Variants in ZNF185 observed in about 807,000 individuals in gnomAD.
ZNF185 encodes the protein zinc finger protein 185.
Under a neutral mutation model 58.6 loss-of-function variants are expected in ZNF185, and 56 were observed. The ratio of observed to expected loss-of-function variants is 0.95; its 90% CI spans 0.77 to 1.19. ZNF185 has a LOEUF of 1.19. ZNF185 is among the 50% of genes most tolerant of loss of function. The pLI is 0.00. For missense variants in ZNF185, 627 were observed against 573.5 expected (o/e 1.09, Z -0.95); for synonymous variants, 230 against 215.9 (o/e 1.07, Z -0.57).
At chrX:152,911,709 C>CCCATCCCAT (rs1937311914), upstream of ZNF185, among the ~76,000 whole-genome samples, 1 of 10,928 alleles carries the variant, frequency 9.2e-5, no homozygotes, top group Non-Finnish European at 2.0e-4. Flanking sequence ...TCCCATCCAT[C>CCCATCCCAT]CCATCCCATC....
At chrX:152,905,719 G>A in the ZNF185 span, among the ~76,000 whole-genome samples, 1 of 105,404 alleles carries the variant, frequency 9.5e-6, no homozygotes, top group Non-Finnish European at 1.9e-5. Context: ...GGCTTGGGGG[G>A]GGGGCGGGGT....
chrX:152,929,461 G>C (rs1275388808), intron 12 of ZNF185, among the ~76,000 whole-genome samples: 1 of 111,216 alleles, frequency 9.0e-6, no homozygotes, highest in African/African-American at 3.3e-5. Context: ...ACTTCGAGCA[G>C]AGGCCTCTCA....
chrX:152,950,869 A>G (rs1271547860), intron 16 of ZNF185, among the ~76,000 whole-genome samples: 1 of 112,135 alleles, frequency 8.9e-6, no homozygotes, highest in Non-Finnish European at 1.9e-5. Flanking sequence ...AAAATTTTCA[A>G]GTAAACATAT....
At position 152,958,838 on chromosome X, in the gene ZNF185, G is replaced by A. The variant is rs1379666086; in HGVS notation, c.1410-861G>A. The stretch of plus-strand genomic sequence containing the variant: ...AGAAGGTTCCACATGTGAAAACTAC[G>A]CGGTCACAACGATAAGTGGGCGGGT... On this transcript the variant is annotated intron_variant, in intron 16 of 22. Transcript: ENST00000449285. Among the ~76,000 whole-genome samples, 25 of 112,109 alleles carry A rather than the reference G, an allele frequency of 2.2e-4. No individual in the cohort carries two copies. The Admixed American group carries it at 2.3e-3, about 10-fold the overall frequency.
At chrX:152,934,233 G>A (rs1022199173) in intron 14 of ZNF185, among the ~76,000 whole-genome samples, 6 of 112,344 alleles carry the variant, frequency 5.3e-5, no homozygotes, top group East Asian at 2.8e-4. Flanking sequence ...CAGAATCTTT[G>A]GCCTTCTATC....
intron 11 of ZNF185, among the ~76,000 whole-genome samples, chrX:152,924,841 C>T (rs942985146): frequency 8.9e-6 from 1 of 112,061 alleles, no homozygotes. Context: ...CACGCGACCA[C>T]GCCCGGCTAA....
At chrX:152,924,293 TA>T (rs375297173) in intron 11 of ZNF185, among the ~76,000 whole-genome samples, 5 of 109,642 alleles carry the variant, frequency 4.6e-5, no homozygotes, top group African/African-American at 6.6e-5. Context: ...TTTTTTTTTT[TA>T]AATTTTTGTA....
chrX:152,900,690 T>C, the ZNF185 span, among the ~76,000 whole-genome samples: 1 of 112,596 alleles, frequency 8.9e-6, no homozygotes, highest in Admixed American at 9.3e-5. Flanking sequence ...GAGGTTGCCA[T>C]CATTGCTTCC....
chrX:152,919,138 C>T lies in ZNF185; in HGVS notation c.530+57C>T, dbSNP rs140359904. The T allele has an allele frequency of 1.8e-3, 1,716 of 938,348 alleles. 30 individuals carry two copies. The East Asian group carries it at 0.049, about 27-fold the overall frequency. 77.3% of individuals were successfully genotyped at this position (938,348 alleles called of 1,213,427 possible). On this transcript the variant is annotated intron_variant, in intron 7 of 22. Coordinates refer to ENST00000449285, the Ensembl canonical transcript of ZNF185. ...GGGGCAGGGCAGGAGCCTGAGTCTTCGAAGACTGCTGGAATGAATTGTACT... is the reference window on the plus strand; with the variant it reads ...GGGGCAGGGCAGGAGCCTGAGTCTTTGAAGACTGCTGGAATGAATTGTACT...
chrX:152,922,581 T>G, intron 10 of ZNF185, 139 bp from the exon 12 acceptor site: 1 of 599,833 alleles, frequency 1.7e-6, no homozygotes, highest in Non-Finnish European at 2.6e-6. Context: ...CCTTGGGGTT[T>G]GAGAGGGCCA....
chrX:152,901,615 A>T, the ZNF185 span, among the ~76,000 whole-genome samples: 1 of 111,500 alleles, frequency 9.0e-6, no homozygotes, highest in Non-Finnish European at 1.9e-5. Flanking sequence ...GGCTGTTGTC[A>T]GTTCATTTTT....
chrX:152,920,727 A>G (rs1467108586), exon 9 of ZNF185: 2 of 1,210,613 alleles, frequency 1.7e-6, no homozygotes, highest in Non-Finnish European at 2.2e-6. Context: ...CAGGAGACAC[A>G]GGCACCGTTT....
intron 15 of ZNF185, among the ~76,000 whole-genome samples, chrX:152,939,539 C>G (rs782631419): frequency 5.4e-5 from 6 of 111,754 alleles, no homozygotes; most frequent in Non-Finnish European, 1.1e-4. Flanking sequence ...GTCTCAAGAC[C>G]CAGAATCAGT....
chrX:152,941,546 T>C (rs2047183261), intron 15 of ZNF185: 1 of 572,022 alleles, frequency 1.7e-6, no homozygotes, highest in East Asian at 1.7e-4. Context: ...CGTGTGCGCC[T>C]GCGCGAATGC....
chrX:152,922,307 C>T lies in ZNF185; in HGVS notation c.740+51C>T, dbSNP rs1556870069. The T allele has an allele frequency of 3.6e-6, 4 of 1,097,669 alleles. No homozygotes were observed. In the African/African-American group the frequency reaches 5.5e-5, roughly 15 times the overall value. The allele number at this position is 1,097,669 out of a possible 1,213,427, so 90.5% of individuals were successfully genotyped here. On this transcript the variant is annotated intron_variant, in intron 10 of 22. Coordinates refer to ENST00000449285, the Ensembl canonical transcript of ZNF185. ...TGGGGCTGGTGGCTGCCATACCTGCCACTCAGTCACTGAGGAACCTCAGTC... is the reference window on the plus strand; with the variant it reads ...TGGGGCTGGTGGCTGCCATACCTGCTACTCAGTCACTGAGGAACCTCAGTC...
At chrX:152,942,472 GT>G (rs1234285132) in intron 15 of ZNF185, among the ~76,000 whole-genome samples, 26 of 111,903 alleles carry the variant, frequency 2.3e-4, no homozygotes, top group Non-Finnish European at 3.9e-4. Flanking sequence ...GGCCAAATCG[GT>G]TTGTATATGT....
chrX:152,924,255 C>T (rs1387484578), intron 11 of ZNF185, among the ~76,000 whole-genome samples: 1 of 111,389 alleles, frequency 9.0e-6, no homozygotes, highest in Non-Finnish European at 1.9e-5. Flanking sequence ...GCTGGGGCTA[C>T]AGTCACAGGC....
At chrX:152,937,769 C>G (rs1291995691) in intron 14 of ZNF185, among the ~76,000 whole-genome samples, 1 of 112,478 alleles carries the variant, frequency 8.9e-6, no homozygotes, top group African/African-American at 3.2e-5. Context: ...ATTCCTTGAA[C>G]AAAGCACATC....
chrX:152,969,562 C>A, intron 21 of ZNF185, 78 bp downstream of exon 23: 1 of 784,515 alleles, frequency 1.3e-6, no homozygotes, highest in Non-Finnish European at 1.9e-6. Context: ...TTGTAGAGTG[C>A]GGGAGTCTTA....
Sources: gnomAD v4.1 joint callset for allele counts (sites outside exome capture counted in the v4.1 genomes callset) on GRCh38, gnomAD v4.1.1 for gene constraint, MANE v1.5 for transcripts, NCBI Gene and HGNC (gene_info 2026-07-23, HGNC 2026-07-21) for gene names.